Variants in DHCR24 observed in about 807,000 individuals in gnomAD.
DHCR24 encodes 24-dehydrocholesterol reductase, also known as delta(24)-sterol reductase.
DHCR24 carries 28 observed loss-of-function variants against 61.2 expected under a neutral mutation model. That is an observed-to-expected ratio of 0.46 (90% CI 0.34 to 0.63). The LOEUF (loss-of-function observed/expected upper bound fraction) is 0.63. Among genes scored for constraint, DHCR24 ranks in the 20% least tolerant of loss-of-function variants. The pLI, the probability that DHCR24 is intolerant of heterozygous loss-of-function variation, is 0.01. For missense variants in DHCR24, 538 were observed against 679.1 expected (o/e 0.79, Z 2.31); for synonymous variants, 261 against 275.9 (o/e 0.95, Z 0.54).
chr1:54,858,800 C>T (rs1646921156), intron 6 of DHCR24, among the ~76,000 whole-genome samples: 1 of 152,100 alleles, frequency 6.6e-6, no homozygotes, highest in Admixed American at 6.6e-5. Context: ...CCACATCTGG[C>T]TAATTTTGTA....
chr1:54,863,999 C>T (rs1646953122), intron 6 of DHCR24, among the ~76,000 whole-genome samples: 1 of 152,086 alleles, frequency 6.6e-6, no homozygotes, highest in Non-Finnish European at 1.5e-5. Context: ...TACCATAAAC[C>T]CACCAGAATG....
chr1:54,876,698 A>G (rs1187661572), intron 2 of DHCR24, among the ~76,000 whole-genome samples: 2 of 151,850 alleles, frequency 1.3e-5, no homozygotes, highest in African/African-American at 4.8e-5. Context: ...CTTCAGAATT[A>G]CTAATGTTAA....
chr1:54,883,756 C>T lies in DHCR24; in HGVS notation c.249G>A (p.Glu83=). Residue 83 remains glutamate (E), a synonymous_variant, in exon 2 of 9, where the codon GAG becomes GAA. Coordinates refer to ENST00000371269, the MANE Select transcript of DHCR24 (RefSeq NM_014762.4). This position sits in a 1 kb window ranked among gnomAD's most constrained non-coding sequence, Gnocchi z 4.3. ...TGCACATGAAGGTCTTGCTACCCTG[C>T]TCCTTCCATTCCCGCACCTGCAACC... is the stretch of plus-strand genomic sequence containing the variant. ...DIQKQVREWK[E]QGSKTFMCTG... The T allele has an allele frequency of 6.2e-7, 1 of 1,614,226 alleles. No homozygotes were observed. Among genetic ancestry groups the T allele is most frequent in the Non-Finnish European group, 8.5e-7 (1 of 1,180,050 alleles).
At chr1:54,871,209 G>C (rs1570194016) in intron 5 of DHCR24, 141 bp downstream of exon 5, 2 of 895,266 alleles carry the variant, frequency 2.2e-6, no homozygotes, top group East Asian at 5.2e-5. Flanking sequence ...GATAGATCCT[G>C]TTGCCTGTAC....
chr1:54,882,573 C>A (rs61613485), intron 2 of DHCR24, among the ~76,000 whole-genome samples: 4,590 of 152,316 alleles, frequency 0.03, 136 homozygotes, highest in East Asian at 0.15. Context: ...TTGCCCCAAA[C>A]TGGAGCCAGC....
Position 54,865,417 on chromosome 1 carries a change from C to A in DHCR24, c.906G>T (p.Pro302=), listed in dbSNP as rs777255081. The A allele has an allele frequency of 1.9e-6, 3 of 1,614,086 alleles. No individual in the cohort carries two copies. The highest frequency in any genetic ancestry group is 1.3e-5 in the African/African-American group (1 of 74,924). The part of the protein sequence containing the change: ...KLNSIGNYYK[P]WFFKHVENYL... Reference sequence around the variant, plus strand: ...AGTTCTCCACATGCTTAAAGAACCACGGCTTGTAGTAATTGCCAATGCTAT... The same window carrying A: ...AGTTCTCCACATGCTTAAAGAACCAAGGCTTGTAGTAATTGCCAATGCTAT... Residue 302 remains proline (P), a synonymous_variant, in exon 6 of 9, where the codon CCG becomes CCT. Coordinates refer to ENST00000371269, the MANE Select transcript of DHCR24 (RefSeq NM_014762.4).
intron 6 of DHCR24, among the ~76,000 whole-genome samples, chr1:54,858,581 T>C (rs970709453): frequency 2.0e-5 from 3 of 152,248 alleles, no homozygotes; most frequent in Non-Finnish European, 2.9e-5. Context: ...AGAACAAATA[T>C]GTAAGACAAA....
chr1:54,875,215 C>A lies in DHCR24; in HGVS notation c.494-4G>T, dbSNP rs1284846587. On this transcript the variant is annotated splice_region_variant and splice_polypyrimidine_tract_variant and intron_variant, in intron 3 of 8. Coordinates refer to ENST00000371269, the MANE Select transcript of DHCR24 (RefSeq NM_014762.4). ...CCTGTGCCCATGATCAAGCCCCCTGCAGAGACATCACACACAGTGTCAGCA... is the reference window on the plus strand; with the variant it reads ...CCTGTGCCCATGATCAAGCCCCCTGAAGAGACATCACACACAGTGTCAGCA... 6.2e-7 allele frequency: 1 copy of A among 1,613,928 alleles called. No individual in the cohort carries two copies. Among genetic ancestry groups the A allele is most frequent in the Non-Finnish European group, 8.5e-7 (1 of 1,179,848 alleles).
rs765210072 is a variant in DHCR24, at chr1:54,886,959, G to A, written c.161C>T (p.Ala54Val). 4 of 1,613,708 alleles carry A rather than the reference G, an allele frequency of 2.5e-6. No individual in the cohort carries two copies. In the South Asian group the frequency reaches 3.3e-5, roughly 13 times the overall value. Residue 54 changes from alanine to valine, a missense_variant, in exon 1 of 9, where the codon GCC (alanine) becomes GTC (valine). Ala to Val is a moderately conservative substitution (Grantham distance 64). Transcript: ENST00000371269. Reference protein sequence around the residue: ...LIFDIYYYVRAWVVFKLSSAP... With the variant: ...LIFDIYYYVRVWVVFKLSSAP... ...GCTGCTGAGCTTGAACACCACCCAG[G>A]CGCGCACGTAGTAGTAGATATCGAA...
chr1:54,852,775 T>A (rs1646883949), intron 8 of DHCR24, among the ~76,000 whole-genome samples: 1 of 152,150 alleles, frequency 6.6e-6, no homozygotes, highest in East Asian at 1.9e-4. Flanking sequence ...GACACATGCA[T>A]GCAACCAAGG....
At chr1:54,881,527 A>T (rs1647063952) in intron 2 of DHCR24, among the ~76,000 whole-genome samples, 1 of 152,226 alleles carries the variant, frequency 6.6e-6, no homozygotes, top group African/African-American at 2.4e-5. Context: ...AGGAACATTT[A>T]TACACTGTTG....
At chr1:54,868,603 G>GC (rs1440186206) in intron 5 of DHCR24, among the ~76,000 whole-genome samples, 3 of 152,212 alleles carry the variant, frequency 2.0e-5, no homozygotes, top group African/African-American at 7.2e-5. Flanking sequence ...TTTCCTCAGT[G>GC]CAAGGTGCAA....
rs1338688722 is a variant in DHCR24, at chr1:54,850,469, G to A, written c.*1764C>T. 6.6e-6 allele frequency: 1 copy of A among 152,230 alleles called. No homozygotes were observed. The highest frequency in any genetic ancestry group is 6.5e-5 in the Admixed American group (1 of 15,288). 9.4% of individuals were successfully genotyped at this position (152,230 alleles called of 1,614,324 possible). A position where few individuals can be genotyped will look rare whatever the true frequency, so the allele number is the denominator to read the frequency against. ...GTAGGGTGGTTCCTTTGCCTTCTGA[G>A]TGCCTGGATGCCCCCAGCCCTCACA... On this transcript the variant is annotated 3_prime_UTR_variant, in exon 9 of 9. Transcript: ENST00000371269.
chr1:54,885,716 G>A (rs940949058), intron 1 of DHCR24, among the ~76,000 whole-genome samples: 1 of 152,186 alleles, frequency 6.6e-6, no homozygotes, highest in African/African-American at 2.4e-5. Flanking sequence ...GCACTCGCTA[G>A]GCTGTTTTGA....
intron 5 of DHCR24, among the ~76,000 whole-genome samples, chr1:54,868,296 C>T (rs1570191302): frequency 1.3e-5 from 2 of 152,126 alleles, no homozygotes; most frequent in Middle Eastern, 3.4e-3. Context: ...CAGTGAAACC[C>T]CATCTCTACT....
At chr1:54,885,953 C>G (rs965881711) in intron 1 of DHCR24, among the ~76,000 whole-genome samples, 1 of 152,168 alleles carries the variant, frequency 6.6e-6, no homozygotes, top group African/African-American at 2.4e-5. Flanking sequence ...CTGCGTTCTC[C>G]CACCAGGCCC....
At chr1:54,869,834 T>A (rs1331568489) in intron 5 of DHCR24, among the ~76,000 whole-genome samples, 1 of 152,102 alleles carries the variant, frequency 6.6e-6, no homozygotes, top group African/African-American at 2.4e-5. Flanking sequence ...GGCAGGCAGA[T>A]CACCTGAGGT....
At position 54,852,304 on chromosome 1, in the gene DHCR24, G is replaced by A. The variant is rs563822834; in HGVS notation, c.1480C>T (p.Arg494Ter). 1.2e-6 allele frequency: 2 copies of A among 1,614,180 alleles called. No individual in the cohort carries two copies. Among genetic ancestry groups the A allele is most frequent in the South Asian group, 1.1e-5 (1 of 91,080 alleles). ...MFDGSLYHKL[R>*]EKLGCQDAFP... ...GCGTCCTGGCAACCCAGCTTCTCTC[G>A]CAGCTTGTGGTACAAGGAGCCATCA... Residue 494 changes from arginine to a stop codon, truncating the protein, a stop_gained, in exon 9 of 9, where the codon CGA becomes TGA. Coordinates refer to ENST00000371269, the MANE Select transcript of DHCR24 (RefSeq NM_014762.4). LOFTEE classifies it high-confidence loss of function.
chr1:54,876,190 G>A, intron 2 of DHCR24, 143 bp from the exon 3 acceptor site: 3 of 701,056 alleles, frequency 4.3e-6, no homozygotes, highest in Non-Finnish European at 7.8e-6. Context: ...GCTCTTTCTA[G>A]AACATTGCCT....
Sources: allele counts gnomAD v4.1 joint callset (sites outside exome capture counted in the v4.1 genomes callset), GRCh38; gene constraint gnomAD v4.1.1; non-coding constraint Gnocchi (gnomAD v3.1); transcripts MANE v1.5; gene names NCBI Gene and HGNC (gene_info 2026-07-23, HGNC 2026-07-21).